The following ELMO1 variants were observed in gnomAD, a reference collection of about 807,000 sequenced individuals.
ELMO1 encodes the protein engulfment and cell motility protein 1.
Under a neutral mutation model 98.9 loss-of-function variants are expected in ELMO1, and 26 were observed. The observed-to-expected ratio is 0.26, with a 90% CI of 0.19 to 0.36. The LOEUF is 0.36. Ranked by LOEUF, ELMO1 falls within the 10% of genes least tolerant of loss-of-function variation. The probability of loss-of-function intolerance (pLI) is 1.00; values close to 1 mark genes in which losing one functional copy is unlikely to be tolerated. For synonymous variants in ELMO1, 346 were observed against 346.0 expected (o/e 1.00, Z 0.00); for missense variants, 627 against 935.2 (o/e 0.67, Z 4.30).
At chr7:37,375,453 C>T (rs887409579) in intron 1 of ELMO1, 21 of 655,824 alleles carry the variant, frequency 3.2e-5, no homozygotes, top group African/African-American at 1.6e-4. Context: ...GCAGTCAGCC[C>T]GTGAGGTTCG....
intron 19 of ELMO1, among the ~76,000 whole-genome samples, chr7:36,871,987 A>G (rs1295941777): frequency 6.6e-6 from 1 of 152,164 alleles, no homozygotes; most frequent in Non-Finnish European, 1.5e-5. Context: ...ATCTCACCAC[A>G]TCTTGCAACC....
In ELMO1 at chr7:37,342,763, C is replaced by A; in HGVS notation, c.-73G>T. 1 of 1,309,694 alleles carries A rather than the reference C, an allele frequency of 7.6e-7. No homozygotes were observed. The highest frequency in any genetic ancestry group is 1.4e-5 in the South Asian group (1 of 73,358). The allele number at this position is 1,309,694 out of a possible 1,614,324, so 81.1% of individuals were successfully genotyped here. The stretch of plus-strand genomic sequence containing the variant: ...GCGTAAACGGCCACACGTGTCTATA[C>A]CTAATGAGGAATGACAGAAAAAGAA... On this transcript the variant is annotated splice_region_variant and 5_prime_UTR_variant, in exon 2 of 22. Coordinates refer to ENST00000310758, the MANE Select transcript of ELMO1 (RefSeq NM_014800.11). This position sits in a 1 kb window ranked among gnomAD's most constrained non-coding sequence, Gnocchi z 4.3.
At chr7:37,259,080 C>A in intron 6 of ELMO1, 101 bp downstream of exon 6, 1 of 1,353,892 alleles carries the variant, frequency 7.4e-7, no homozygotes, top group South Asian at 1.7e-5. Flanking sequence ...AACCAAGGCT[C>A]TGGTCTTTAA....
chr7:37,273,353 T>TCA (rs776190482), intron 4 of ELMO1, among the ~76,000 whole-genome samples: 1 of 152,192 alleles, frequency 6.6e-6, no homozygotes, highest in Non-Finnish European at 1.5e-5. Context: ...GAGTGAGTTC[T>TCA]CACGAGATCT....
chr7:37,142,274 C>T (rs74388395), intron 13 of ELMO1, among the ~76,000 whole-genome samples: 3,504 of 152,290 alleles, frequency 0.023, 142 homozygotes, highest in African/African-American at 0.08. Context: ...AAAACTTCCT[C>T]CCCATTACAC....
intron 4 of ELMO1, among the ~76,000 whole-genome samples, chr7:37,312,985 T>C (rs1404955648): frequency 6.6e-6 from 1 of 152,244 alleles, no homozygotes; most frequent in Admixed American, 6.5e-5. Flanking sequence ...ATGAATGAAA[T>C]GATGGCAATA....
chr7:36,853,443 T>C lies in ELMO1; in HGVS notation c.*2108A>G, dbSNP rs755455704. The stretch of plus-strand genomic sequence containing the variant: ...TGTAACCCATAAGAAAAAAATAATA[T>C]GACTTTGTTTGCTGCCTTTGACCTA... On this transcript the variant is annotated 3_prime_UTR_variant, in exon 22 of 22. Coordinates refer to ENST00000310758, the MANE Select transcript of ELMO1 (RefSeq NM_014800.11). Among the ~76,000 whole-genome samples the C allele has an allele frequency of 5.9e-5, 9 of 152,152 alleles. No homozygotes were observed. The highest frequency in any genetic ancestry group is 8.8e-5 in the Non-Finnish European group (6 of 68,030).
intron 13 of ELMO1, among the ~76,000 whole-genome samples, chr7:37,148,660 A>G (rs895897392): frequency 6.6e-6 from 1 of 152,246 alleles, no homozygotes; most frequent in African/African-American, 2.4e-5. Flanking sequence ...TTTATGAATA[A>G]TGAAATAGTA....
At chr7:37,065,858 A>G (rs1022554200) in intron 15 of ELMO1, among the ~76,000 whole-genome samples, 1 of 152,160 alleles carries the variant, frequency 6.6e-6, no homozygotes, top group African/African-American at 2.4e-5. Context: ...TCTGTGACTC[A>G]CTGATATGGT....
chr7:37,052,021 T>A (rs1796136680), intron 15 of ELMO1, among the ~76,000 whole-genome samples: 1 of 152,206 alleles, frequency 6.6e-6, no homozygotes, highest in African/African-American at 2.4e-5. Context: ...TGATCCATGT[T>A]TTTCATTTCC....
intron 1 of ELMO1, among the ~76,000 whole-genome samples, chr7:37,424,635 A>C (rs1804630728): frequency 6.6e-6 from 1 of 152,212 alleles, no homozygotes; most frequent in African/African-American, 2.4e-5. Context: ...TGAAAATTCC[A>C]ACCAATGACA....
chr7:37,337,391 G>A (rs1241466777), intron 2 of ELMO1, among the ~76,000 whole-genome samples: 1 of 152,114 alleles, frequency 6.6e-6, no homozygotes, highest in Non-Finnish European at 1.5e-5. Context: ...TAAGGGAAGG[G>A]GGGAGGGATA....
chr7:36,938,522 T>C (rs1786743819), intron 16 of ELMO1, among the ~76,000 whole-genome samples: 1 of 152,238 alleles, frequency 6.6e-6, no homozygotes, highest in African/African-American at 2.4e-5. Context: ...TCTGCAAATT[T>C]AAGAAAAAGC....
chr7:37,267,691 T>C (rs532704761), intron 5 of ELMO1, among the ~76,000 whole-genome samples: 78 of 152,364 alleles, frequency 5.1e-4, no homozygotes, highest in Non-Finnish European at 7.8e-4. Flanking sequence ...CTAAGAGAGA[T>C]TGAACTTCTT....
In ELMO1 at chr7:37,379,605, G is replaced by A. The variant is rs139280710; in HGVS notation, c.-73-36842C>T. ...GGTCATAATTTATAACTTGTGATCT[G>A]AGAGATCAAAACAGATACCCCTTTA... On this transcript the variant is annotated intron_variant, in intron 1 of 21. Transcript: ENST00000310758. 4.6e-3 allele frequency among the ~76,000 whole-genome samples: 703 copies of A among 152,206 alleles called. 6 individuals carry two copies. Among genetic ancestry groups the A allele is most frequent in the African/African-American group, 0.015 (634 of 41,520 alleles).
At chr7:37,078,052 G>C (rs555887050) in intron 15 of ELMO1, among the ~76,000 whole-genome samples, 1 of 152,272 alleles carries the variant, frequency 6.6e-6, no homozygotes, top group South Asian at 2.1e-4. Context: ...CTAGTCAGGA[G>C]GCCCAGCAGC....
intron 13 of ELMO1, among the ~76,000 whole-genome samples, chr7:37,136,922 A>G (rs1563026911): frequency 6.6e-6 from 1 of 152,194 alleles, no homozygotes; most frequent in East Asian, 1.9e-4. Context: ...ACATCTCAAT[A>G]CTAGCATTGA....
chr7:37,120,474 T>C (rs1308934924), intron 14 of ELMO1, among the ~76,000 whole-genome samples: 1 of 152,162 alleles, frequency 6.6e-6, no homozygotes, highest in Non-Finnish European at 1.5e-5. Context: ...CACCAGGAAA[T>C]CATATCCCAC....
At chr7:36,986,302 G>A in intron 16 of ELMO1, 1 of 973,550 alleles carries the variant, frequency 1.0e-6, no homozygotes. Context: ...TCCAGGAAGA[G>A]CTTTTCTCTT....
Sources: allele counts gnomAD v4.1 joint callset (sites outside exome capture counted in the v4.1 genomes callset), GRCh38; gene constraint gnomAD v4.1.1; non-coding constraint Gnocchi (gnomAD v3.1); transcripts MANE v1.5; gene names NCBI Gene and HGNC (gene_info 2026-07-23, HGNC 2026-07-21).